Variants in PIGK observed in about 807,000 individuals in gnomAD.
PIGK encodes the protein GPI-anchor transamidase.
Under a neutral mutation model 50.6 loss-of-function variants are expected in PIGK, and 42 were observed. The observed-to-expected ratio is 0.83, with a 90% CI of 0.65 to 1.07. The LOEUF is 1.07. Ranked by LOEUF, PIGK falls within the 50% of genes least tolerant of loss-of-function variation. PIGK has a pLI of 0.00. For synonymous variants in PIGK, 151 were observed against 156.0 expected (o/e 0.97, Z 0.24); for missense variants, 448 against 488.7 (o/e 0.92, Z 0.78).
chr1:77,091,605 C>G lies in PIGK; in HGVS notation c.*769G>C, dbSNP rs935822395. 2 of 152,058 alleles carry G rather than the reference C, an allele frequency of 1.3e-5. No homozygotes were observed. The highest frequency in any genetic ancestry group is 4.8e-5 in the African/African-American group (2 of 41,424). The allele number at this position is 152,058 out of a possible 1,614,324, so 9.4% of individuals were successfully genotyped here. A position where few individuals can be genotyped will look rare whatever the true frequency, so the allele number is the denominator to read the frequency against. On this transcript the variant is annotated 3_prime_UTR_variant, in exon 11 of 11. Transcript: ENST00000370812. ...GTATGTTTCTCTTGAGCAGTCAGTA[C>G]GTGAAATTATCAAAGGTCTAAAATT...
chr1:77,133,647 T>A (rs1391363104), intron 9 of PIGK, among the ~76,000 whole-genome samples: 1 of 152,182 alleles, frequency 6.6e-6, no homozygotes, highest in Non-Finnish European at 1.5e-5. Flanking sequence ...TTAAGAGTGA[T>A]ACTCTGATCA....
chr1:77,160,529 C>G (rs1470305104), intron 8 of PIGK, among the ~76,000 whole-genome samples: 1 of 152,204 alleles, frequency 6.6e-6, no homozygotes, highest in Admixed American at 6.5e-5. Context: ...GCATCTGCCT[C>G]TTTCATTAGG....
At chr1:77,108,346 T>A (rs577699145) in intron 10 of PIGK, among the ~76,000 whole-genome samples, 2 of 152,210 alleles carry the variant, frequency 1.3e-5, no homozygotes, top group Non-Finnish European at 2.9e-5. Flanking sequence ...CCTTCACTTA[T>A]GAAGCTTAGT....
At position 77,185,499 on chromosome 1, in the gene PIGK, G is replaced by A. The variant is rs552701001; in HGVS notation, c.240-16104C>T. 1.7e-3 allele frequency among the ~76,000 whole-genome samples: 258 copies of A among 152,162 alleles called. 1 individual carries two copies. The highest frequency in any genetic ancestry group is 5.7e-3 in the African/African-American group (237 of 41,506). The stretch of plus-strand genomic sequence containing the variant: ...GGTGTGGGGCCTGTCAAAATATTTC[G>A]TCTAAGGTGAAGGATAAGTTGCTGC... On this transcript the variant is annotated intron_variant, in intron 3 of 10. Coordinates refer to ENST00000370812, the MANE Select transcript of PIGK (RefSeq NM_005482.3).
At chr1:77,183,146 C>G (rs750045826) in intron 3 of PIGK, among the ~76,000 whole-genome samples, 1 of 152,092 alleles carries the variant, frequency 6.6e-6, no homozygotes, top group Non-Finnish European at 1.5e-5. Context: ...CCTCACTAGG[C>G]GTCTATTGTT....
intron 3 of PIGK, among the ~76,000 whole-genome samples, chr1:77,184,240 C>T (rs1655689739): frequency 6.6e-6 from 1 of 152,022 alleles, no homozygotes; most frequent in Non-Finnish European, 1.5e-5. Flanking sequence ...GACAGGAAGC[C>T]TACTGCATTC....
At chr1:77,117,295 G>T (rs897560057) in intron 10 of PIGK, among the ~76,000 whole-genome samples, 1 of 152,154 alleles carries the variant, frequency 6.6e-6, no homozygotes, top group African/African-American at 2.4e-5. Flanking sequence ...GGATGAATAA[G>T]AAAAATTATC....
At chr1:77,185,484 C>T (rs1424587264) in intron 3 of PIGK, among the ~76,000 whole-genome samples, 1 of 152,126 alleles carries the variant, frequency 6.6e-6, no homozygotes, top group Non-Finnish European at 1.5e-5. Flanking sequence ...GGTGTGGGGC[C>T]TGTCAAAATA....
chr1:77,120,620 T>C (rs981386484), intron 10 of PIGK, among the ~76,000 whole-genome samples: 1 of 152,188 alleles, frequency 6.6e-6, no homozygotes, highest in East Asian at 1.9e-4. Flanking sequence ...GTAACAGTCC[T>C]TAAGTTGTAG....
At chr1:77,203,850 T>C (rs1656225511) in intron 3 of PIGK, among the ~76,000 whole-genome samples, 1 of 152,228 alleles carries the variant, frequency 6.6e-6, no homozygotes, top group South Asian at 2.1e-4. Context: ...ATTACTCTTA[T>C]AATTTCCTAT....
chr1:77,207,313 T>C (rs2100586590), intron 2 of PIGK, among the ~76,000 whole-genome samples: 1 of 152,328 alleles, frequency 6.6e-6, no homozygotes, highest in East Asian at 1.9e-4. Context: ...GTTATCACAA[T>C]TTCTGTGACT....
intron 9 of PIGK, among the ~76,000 whole-genome samples, chr1:77,124,620 C>A (rs7531097): frequency 0.65 from 95,356 of 146,416 alleles, 31,127 homozygotes; most frequent in African/African-American, 0.79. Context: ...AAACAAACAA[C>A]AAAAAAAAAA....
At chr1:77,145,911 G>A (rs571054372) in intron 9 of PIGK, among the ~76,000 whole-genome samples, 72 of 152,056 alleles carry the variant, frequency 4.7e-4, no homozygotes, top group Non-Finnish European at 6.6e-4. Flanking sequence ...TTGACAAAGG[G>A]ATCAACATAA....
intron 9 of PIGK, among the ~76,000 whole-genome samples, chr1:77,124,754 T>A (rs933546752): frequency 6.6e-6 from 1 of 152,148 alleles, no homozygotes. Context: ...TGGGAGAAAC[T>A]TTTTGCAAAT....
At chr1:77,166,614 T>C (rs940692224) in intron 5 of PIGK, 105 bp downstream of exon 5, 7 of 603,364 alleles carry the variant, frequency 1.2e-5, no homozygotes, top group Non-Finnish European at 2.0e-5. Context: ...TGAGAAACCA[T>C]TTTAACCAAA....
At chr1:77,216,138 G>T (rs1656559433) in intron 1 of PIGK, among the ~76,000 whole-genome samples, 1 of 152,122 alleles carries the variant, frequency 6.6e-6, no homozygotes, top group African/African-American at 2.4e-5. Context: ...TGAGGTGACA[G>T]ATATGCTGAT....
At chr1:77,182,501 G>A (rs1458337097) in intron 3 of PIGK, among the ~76,000 whole-genome samples, 2 of 90,682 alleles carry the variant, frequency 2.2e-5, no homozygotes, top group African/African-American at 3.0e-5. Context: ...ACACACCCAG[G>A]ATCAATCTAT....
In PIGK at chr1:77,169,249, A is replaced by G. The variant is rs1283036577; in HGVS notation, c.375+11T>C. Reference sequence around the variant, plus strand: ...GCCATTTTAAAAATGTGGCTAGATTAAAGAATTTACCTCGTAACTTCTATA... The same window carrying G: ...GCCATTTTAAAAATGTGGCTAGATTGAAGAATTTACCTCGTAACTTCTATA... On this transcript the variant is annotated intron_variant, in intron 4 of 10. Coordinates refer to ENST00000370812, the MANE Select transcript of PIGK (RefSeq NM_005482.3). 2.6e-6 allele frequency: 4 copies of G among 1,513,824 alleles called. No homozygotes were observed. Among genetic ancestry groups the G allele is most frequent in the South Asian group, 2.6e-5 (2 of 77,342 alleles). 93.8% of individuals were successfully genotyped at this position (1,513,824 alleles called of 1,614,324 possible). A position where few individuals can be genotyped will look rare whatever the true frequency, so the allele number is the denominator to read the frequency against.
intron 9 of PIGK, among the ~76,000 whole-genome samples, chr1:77,133,647 T>C (rs1391363104): frequency 6.6e-6 from 1 of 152,182 alleles, no homozygotes; most frequent in Admixed American, 6.5e-5. Flanking sequence ...TTAAGAGTGA[T>C]ACTCTGATCA....
Sources: gnomAD v4.1 joint callset for allele counts (sites outside exome capture counted in the v4.1 genomes callset) on GRCh38, gnomAD v4.1.1 for gene constraint, MANE v1.5 for transcripts, NCBI Gene and HGNC (gene_info 2026-07-23, HGNC 2026-07-21) for gene names.